The following HERC5 variants were observed in gnomAD, a reference collection of about 807,000 sequenced individuals.
HERC5 encodes the protein HECT and RLD domain containing E3 ubiquitin protein ligase 5, also known as E3 ISG15--protein ligase HERC5.
In HERC5, 99 loss-of-function variants were observed where a neutral mutation model predicts 119.6. The observed-to-expected ratio is 0.83, with a 90% CI of 0.70 to 0.98. HERC5 has a LOEUF of 0.98. Among genes scored for constraint, HERC5 ranks in the 50% least tolerant of loss-of-function variants. The pLI, the probability that HERC5 is intolerant of heterozygous loss-of-function variation, is 0.00. For synonymous variants in HERC5, 478 were observed against 445.9 expected (o/e 1.07, Z -0.91); for missense variants, 1,267 against 1,241.3 (o/e 1.02, Z -0.31).
chr4:88,476,591 G>C (rs1741073176), intron 12 of HERC5, among the ~76,000 whole-genome samples: 1 of 152,144 alleles, frequency 6.6e-6, no homozygotes, highest in Non-Finnish European at 1.5e-5. Flanking sequence ...TTGAAGACAT[G>C]AGATTTCACT....
intron 20 of HERC5, among the ~76,000 whole-genome samples, chr4:88,501,784 GTTTA>G (rs745738262): frequency 1.3e-5 from 2 of 152,030 alleles, no homozygotes; most frequent in Non-Finnish European, 2.9e-5. Flanking sequence ...ATATATCACA[GTTTA>G]TTTATCTGTA....
chr4:88,473,236 G>C (rs1740938223), intron 11 of HERC5: 1 of 151,508 alleles, frequency 6.6e-6, no homozygotes. Context: ...ACTACTTTCT[G>C]TTCTACTCTC....
At position 88,504,510 on chromosome 4, in the gene HERC5, C is replaced by G. The variant is rs1742049478; in HGVS notation, c.2782C>G (p.Pro928Ala). 1 of 1,579,232 alleles carries G rather than the reference C, an allele frequency of 6.3e-7. No individual in the cohort carries two copies. Among genetic ancestry groups the G allele is most frequent in the Non-Finnish European group, 8.6e-7 (1 of 1,163,242 alleles). The change falls in exon 22 of 23, where the codon CCA becomes GCA. Residue 928 changes from proline to alanine, a missense_variant. Pro to Ala is a conservative substitution (Grantham distance 27). Around this residue, in one of 3 missense-constraint regions of HERC5, gnomAD observed 473 missense variants for 445.7 expected, o/e 1.06. Coordinates refer to ENST00000264350, the MANE Select transcript of HERC5 (RefSeq NM_016323.4). The part of the protein sequence containing the change: ...KTFEKNARYE[P>A]GYNSSHPTIV... Reference sequence around the variant, plus strand: ...TTTTCTCTAGAATGCACGTTATGAACCAGGATATAACAGTTCACATCCCAC... The same window carrying G: ...TTTTCTCTAGAATGCACGTTATGAAGCAGGATATAACAGTTCACATCCCAC...
At chr4:88,505,259 G>A (rs1742070680) in intron 22 of HERC5, among the ~76,000 whole-genome samples, 1 of 152,000 alleles carries the variant, frequency 6.6e-6, no homozygotes, top group Non-Finnish European at 1.5e-5. Flanking sequence ...CTACCTCCTT[G>A]TTGCCTTTCT....
chr4:88,480,011 G>T (rs962661413), intron 13 of HERC5, among the ~76,000 whole-genome samples: 27 of 150,002 alleles, frequency 1.8e-4, no homozygotes, highest in Non-Finnish European at 1.9e-4. Flanking sequence ...AGCTTGCAGT[G>T]AGCAGAGATC....
intron 13 of HERC5, among the ~76,000 whole-genome samples, chr4:88,485,346 A>G (rs933935209): frequency 6.6e-6 from 1 of 152,216 alleles, no homozygotes; most frequent in Non-Finnish European, 1.5e-5. Context: ...CTTAAGGCTA[A>G]TAATGATAAA....
chr4:88,472,564 A>G (rs1180932748), intron 11 of HERC5, 62 bp downstream of exon 11: 7 of 952,494 alleles, frequency 7.3e-6, no homozygotes, highest in South Asian at 5.7e-5. Flanking sequence ...AAAGAACTCA[A>G]AATTTCAGAA....
intron 22 of HERC5, among the ~76,000 whole-genome samples, chr4:88,504,993 G>C (rs1742064215): frequency 1.3e-5 from 2 of 151,786 alleles, no homozygotes; most frequent in African/African-American, 4.8e-5. Context: ...GTATCTTTAG[G>C]CTTAATGACT....
chr4:88,469,285 G>A (rs1275867516), intron 9 of HERC5, 25 bp downstream of exon 9: 1 of 1,434,014 alleles, frequency 7.0e-7, no homozygotes, highest in Admixed American at 1.7e-5. Flanking sequence ...CTGACTCTCT[G>A]CTTATATATC....
chr4:88,482,138 C>T (rs913528688), intron 13 of HERC5, among the ~76,000 whole-genome samples: 7 of 151,864 alleles, frequency 4.6e-5, no homozygotes, highest in South Asian at 4.2e-4. Context: ...AGTGAAACCT[C>T]GTCTCTACTA....
At chr4:88,499,592 G>A (rs565179909) in intron 18 of HERC5, among the ~76,000 whole-genome samples, 7 of 152,246 alleles carry the variant, frequency 4.6e-5, no homozygotes, top group African/African-American at 1.7e-4. Context: ...CTTCAATAAA[G>A]GTAACACCAG....
chr4:88,470,997 CT>C (rs1387634473), intron 10 of HERC5, among the ~76,000 whole-genome samples: 1 of 150,258 alleles, frequency 6.7e-6, no homozygotes, highest in African/African-American at 2.5e-5. Flanking sequence ...GAGACAGGGT[CT>C]TGCCCTGTCG....
chr4:88,465,786 A>C (rs1272602011), intron 6 of HERC5, among the ~76,000 whole-genome samples: 1 of 152,202 alleles, frequency 6.6e-6, no homozygotes, highest in African/African-American at 2.4e-5. Flanking sequence ...AAAAGGATAC[A>C]AACTAGTACC....
At chr4:88,475,324 C>CTT (rs757780297) in intron 11 of HERC5, among the ~76,000 whole-genome samples, 35 of 123,476 alleles carry the variant, frequency 2.8e-4, no homozygotes, top group South Asian at 8.1e-4. Context: ...TTCTTTCTTT[C>CTT]TTTTTTTTTT....
At chr4:88,461,968 A>C (rs1740458585) in intron 3 of HERC5, among the ~76,000 whole-genome samples, 167 bp from the exon 4 acceptor site, 1 of 150,784 alleles carries the variant, frequency 6.6e-6, no homozygotes, top group South Asian at 2.2e-4. Context: ...ACTGCTAAAG[A>C]GAAGATTCTG....
rs539218806 is a variant in HERC5 at position 88,494,145 on chromosome 4, AT to A, written c.2278-11del. The A allele has an allele frequency of 8.3e-5, 127 of 1,526,928 alleles. No homozygotes were observed. The highest frequency in any genetic ancestry group is 9.5e-5 in the South Asian group (8 of 84,334). 94.6% of individuals were successfully genotyped at this position (1,526,928 alleles called of 1,614,324 possible). The stretch of plus-strand genomic sequence containing the variant: ...TGGTAAAAACTCATAATACTTTAAG[AT>A]TTTTTTTTCGCTTTTCAGCCTAAAT... On this transcript the variant is annotated intron_variant, in intron 17 of 22. Coordinates refer to ENST00000264350, the MANE Select transcript of HERC5 (RefSeq NM_016323.4).
intron 12 of HERC5, 22 bp from the exon 13 acceptor site, chr4:88,479,331 T>C: frequency 6.5e-7 from 1 of 1,542,118 alleles, no homozygotes; most frequent in Non-Finnish European, 8.7e-7. Context: ...TTTAAAAAAT[T>C]TGCTTTCCTT....
chr4:88,485,311 C>T (rs1364445968), intron 13 of HERC5, among the ~76,000 whole-genome samples: 2 of 152,108 alleles, frequency 1.3e-5, no homozygotes, highest in Non-Finnish European at 2.9e-5. Context: ...GATGAAGTAC[C>T]CACTTTCTCT....
chr4:88,486,611 G>C (rs1357848011), intron 14 of HERC5, among the ~76,000 whole-genome samples: 1 of 152,176 alleles, frequency 6.6e-6, no homozygotes, highest in Non-Finnish European at 1.5e-5. Context: ...TGAAAATACA[G>C]TTGAAGGGCT....
Sources: allele counts gnomAD v4.1 joint callset (sites outside exome capture counted in the v4.1 genomes callset), GRCh38; gene constraint gnomAD v4.1.1; regional missense constraint gnomAD v4.1.1; transcripts MANE v1.5; gene names NCBI Gene and HGNC (gene_info 2026-07-23, HGNC 2026-07-21).